PAK3: variants seen among roughly 807,000 people sequenced by gnomAD.
PAK3 encodes p21 (RAC1) activated kinase 3, also known as serine/threonine-protein kinase PAK 3.
In PAK3, 4 loss-of-function variants were observed where a neutral mutation model predicts 41.0. That is an observed-to-expected ratio of 0.10 (90% CI 0.05 to 0.22). The LOEUF is 0.22. Among genes scored for constraint, PAK3 ranks in the 10% least tolerant of loss-of-function variants. The pLI, the probability that PAK3 is intolerant of heterozygous loss-of-function variation, is 1.00. For synonymous variants in PAK3, 146 were observed against 139.6 expected, an observed-to-expected ratio of 1.05 and a Z score of -0.32; for missense variants, 205 against 409.9, an observed-to-expected ratio of 0.50 and a Z score of 4.32.
At chrX:110,951,641 A>C (rs2090747756) in intron 1 of PAK3, among the ~76,000 whole-genome samples, 1 of 112,456 alleles carries the variant, frequency 8.9e-6, no homozygotes, top group Non-Finnish European at 1.9e-5. Context: ...GAAAGGCAAG[A>C]CTGAGAAAGG....
chrX:111,130,599 CT>C (rs2149039021), intron 5 of PAK3, among the ~76,000 whole-genome samples: 1 of 111,498 alleles, frequency 9.0e-6, no homozygotes, highest in South Asian at 3.8e-4. Flanking sequence ...CACCATGGGC[CT>C]TCCCAACTAT....
intron 10 of PAK3, among the ~76,000 whole-genome samples, chrX:111,170,293 G>T (rs1211160436): frequency 9.1e-6 from 1 of 109,774 alleles, no homozygotes; most frequent in African/African-American, 3.3e-5. Context: ...AAATACAAAA[G>T]AAAAAGTATT....
intron 16 of PAK3, among the ~76,000 whole-genome samples, chrX:111,207,546 T>C (rs977578042): frequency 9.0e-6 from 1 of 111,685 alleles, no homozygotes; most frequent in African/African-American, 3.3e-5. Context: ...AATGCATTAC[T>C]TACATGTTTG....
intron 1 of PAK3, among the ~76,000 whole-genome samples, chrX:111,004,904 G>A (rs962645714): frequency 1.8e-5 from 2 of 111,950 alleles, no homozygotes; most frequent in African/African-American, 6.5e-5. Flanking sequence ...ATCTCATTTG[G>A]CACATTATTG....
At chrX:111,176,593 T>G in intron 11 of PAK3, among the ~76,000 whole-genome samples, 1 of 111,868 alleles carries the variant, frequency 8.9e-6, no homozygotes, top group Non-Finnish European at 1.9e-5. Context: ...CCTATCTTGC[T>G]CCTCCTGTGT....
At chrX:110,962,079 G>A (rs2090990211) in intron 1 of PAK3, among the ~76,000 whole-genome samples, 1 of 111,778 alleles carries the variant, frequency 8.9e-6, no homozygotes, top group Admixed American at 9.5e-5. Flanking sequence ...TTTTATGCAT[G>A]CCTTTGGCTT....
At chrX:111,139,611 G>A (rs988337340) in intron 5 of PAK3, among the ~76,000 whole-genome samples, 5 of 112,124 alleles carry the variant, frequency 4.5e-5, no homozygotes, top group African/African-American at 6.5e-5. Flanking sequence ...CCTTTGTTAT[G>A]CTTAGCCCTG....
chrX:111,075,551 G>T (rs1214402144), intron 1 of PAK3, among the ~76,000 whole-genome samples: 2 of 112,731 alleles, frequency 1.8e-5, no homozygotes, highest in African/African-American at 6.4e-5. Context: ...GATTTCAGAG[G>T]ATGTATGGGA....
At chrX:111,107,159 G>A (rs377423021) in intron 4 of PAK3, among the ~76,000 whole-genome samples, 1 of 111,887 alleles carries the variant, frequency 8.9e-6, no homozygotes, top group South Asian at 3.8e-4. Flanking sequence ...TTATATTTAT[G>A]ATCTGGAATT....
intron 1 of PAK3, among the ~76,000 whole-genome samples, chrX:111,060,656 T>G (rs1459745485): frequency 3.6e-5 from 4 of 111,877 alleles, no homozygotes; most frequent in Non-Finnish European, 7.5e-5. Flanking sequence ...CATTGCATTT[T>G]GTTATGTCTC....
intron 1 of PAK3, among the ~76,000 whole-genome samples, chrX:110,978,753 C>A (rs1299115075): frequency 9.8e-6 from 1 of 101,836 alleles, no homozygotes; most frequent in African/African-American, 3.6e-5. Context: ...CTTTCCTTCT[C>A]TCTCTCTCTC....
chrX:111,205,888 T>C (rs1283702719), intron 16 of PAK3, among the ~76,000 whole-genome samples: 1 of 111,789 alleles, frequency 8.9e-6, no homozygotes, highest in Non-Finnish European at 1.9e-5. Context: ...AGAGTGCTAG[T>C]CCCTTCTTGC....
chrX:111,046,026 G>T (rs775887507), intron 1 of PAK3, among the ~76,000 whole-genome samples: 1 of 111,474 alleles, frequency 9.0e-6, no homozygotes, highest in East Asian at 2.8e-4. Context: ...ATCTCTTATT[G>T]TTAACAAGAG....
At chrX:111,011,199 C>A (rs1442391661) in intron 1 of PAK3, among the ~76,000 whole-genome samples, 1 of 111,156 alleles carries the variant, frequency 9.0e-6, no homozygotes, top group African/African-American at 3.3e-5. Context: ...GCAGTTTGGG[C>A]AGTTGGGACT....
chrX:111,017,047 A>G (rs1366294996), intron 1 of PAK3, among the ~76,000 whole-genome samples: 1 of 111,213 alleles, frequency 9.0e-6, no homozygotes, highest in Non-Finnish European at 1.9e-5. Context: ...TGAAAATACA[A>G]CATATCAAAA....
intron 5 of PAK3, among the ~76,000 whole-genome samples, chrX:111,134,572 G>A (rs142603764): frequency 5.1e-4 from 57 of 111,947 alleles, no homozygotes; most frequent in Non-Finnish European, 7.7e-4. Flanking sequence ...CCAGTCCCTG[G>A]CCTTAAAGAA....
intron 17 of PAK3, chrX:111,216,868 C>G (rs1333045295): frequency 1.0e-5 from 7 of 689,922 alleles, no homozygotes; most frequent in Non-Finnish European, 1.2e-5. Flanking sequence ...TACTTGTGCC[C>G]CTGGATGTTG....
At chrX:111,131,324 C>A (rs1300252286) in intron 5 of PAK3, among the ~76,000 whole-genome samples, 1 of 111,494 alleles carries the variant, frequency 9.0e-6, no homozygotes, top group Non-Finnish European at 1.9e-5. Flanking sequence ...GATATTTGGG[C>A]CGTCTTACTC....
In PAK3 at chrX:111,207,073, CGTGT is replaced by C. The variant is rs367846225; in HGVS notation, c.1408-9325_1408-9322del. Among the ~76,000 whole-genome samples the C allele has an allele frequency of 7.0e-3, 683 of 97,361 alleles. 4 individuals carry two copies. Among genetic ancestry groups the C allele is most frequent in the Middle Eastern group, 0.022 (4 of 186 alleles). The allele number at this position is 97,361 out of a possible 115,157, so 84.5% of individuals were successfully genotyped here. On this transcript the variant is annotated intron_variant, in intron 16 of 17. Coordinates refer to ENST00000372007, the MANE Select transcript of PAK3 (RefSeq NM_002578.5). ...AACCTTCAATGTAGATAGATATATA[CGTGT>C]GTGTGTGTGTGTGTGTGTGTGTATA...
Sources: allele counts gnomAD v4.1 joint callset (sites outside exome capture counted in the v4.1 genomes callset), GRCh38; gene constraint gnomAD v4.1.1; transcripts MANE v1.5; gene names NCBI Gene and HGNC (gene_info 2026-07-23, HGNC 2026-07-21).